Variants in SORBS2 observed in about 807,000 individuals in gnomAD.
SORBS2 encodes the protein sorbin and SH3 domain-containing protein 2.
In SORBS2, 46 loss-of-function variants were observed where a neutral mutation model predicts 97.7. The observed-to-expected ratio is 0.47, with a 90% CI of 0.37 to 0.60. SORBS2 has a LOEUF of 0.60. Among genes scored for constraint, SORBS2 ranks in the 20% least tolerant of loss-of-function variants. The pLI is 0.00. For synonymous variants in SORBS2, 476 were observed against 473.4 expected, an observed-to-expected ratio of 1.01 and a Z score of -0.07; for missense variants, 1,316 against 1,282.3, an observed-to-expected ratio of 1.03 and a Z score of -0.40.
At chr4:185,624,234 A>T (rs1218339944) in exon 7 of SORBS2, 1 of 1,614,148 alleles carries the variant, frequency 6.2e-7, no homozygotes, top group South Asian at 1.1e-5. Context: ...GGGTCCGGGA[A>T]GCTATCGCAG....
chr4:185,847,647 G>A (rs1210613293), intron 1 of SORBS2, among the ~76,000 whole-genome samples: 2 of 152,144 alleles, frequency 1.3e-5, no homozygotes, highest in East Asian at 3.9e-4. Context: ...CAGAGCTGCT[G>A]TAGACGGCAG....
At chr4:185,802,085 C>T (rs1189817012) in intron 1 of SORBS2, among the ~76,000 whole-genome samples, 3 of 152,348 alleles carry the variant, frequency 2.0e-5, no homozygotes, top group East Asian at 3.9e-4. Flanking sequence ...TTTCCCGATC[C>T]TCTAACAAAC....
intron 2 of SORBS2, among the ~76,000 whole-genome samples, chr4:185,718,027 T>C (rs2098480452): frequency 6.6e-6 from 1 of 152,166 alleles, no homozygotes; most frequent in Non-Finnish European, 1.5e-5. Flanking sequence ...GGTCAGGAGT[T>C]CCAGAACAGC....
intron 1 of SORBS2, among the ~76,000 whole-genome samples, chr4:185,843,096 A>G (rs570072850): frequency 6.6e-6 from 1 of 152,234 alleles, no homozygotes; most frequent in South Asian, 2.1e-4. Context: ...TAACACAGGG[A>G]GTGTGGGTAG....
In SORBS2 at chr4:185,934,940, G is replaced by A. The variant is rs534324674; in HGVS notation, c.-338+21256C>T. 9.9e-5 allele frequency among the ~76,000 whole-genome samples: 15 copies of A among 152,142 alleles called. No individual in the cohort carries two copies. The South Asian group carries it at 1.5e-3, about 15-fold the overall frequency. The stretch of plus-strand genomic sequence containing the variant: ...AGAAGATGCTTGATCATGGCTCTTC[G>A]GGATAGTTTGTTACTGAGTCAGGTC... On this transcript the variant is annotated intron_variant, in intron 1 of 20. Coordinates refer to the SORBS2 transcript ENST00000284776.
At chr4:185,863,554 A>C (rs1431876163) in intron 1 of SORBS2, among the ~76,000 whole-genome samples, 1 of 152,230 alleles carries the variant, frequency 6.6e-6, no homozygotes, top group Non-Finnish European at 1.5e-5. Context: ...GTGCTATTGC[A>C]TAGGATTATT....
chr4:185,810,169 T>C (rs1481343983), intron 1 of SORBS2, among the ~76,000 whole-genome samples: 4 of 152,276 alleles, frequency 2.6e-5, no homozygotes, highest in African/African-American at 4.8e-5. Context: ...CGTACACTTA[T>C]CACCAAACGT....
At chr4:185,861,010 T>A (rs1335424727) in intron 1 of SORBS2, among the ~76,000 whole-genome samples, 2 of 152,222 alleles carry the variant, frequency 1.3e-5, no homozygotes, top group Non-Finnish European at 2.9e-5. Context: ...ACTTTCCCCA[T>A]GAGACAGCTT....
intron 1 of SORBS2, among the ~76,000 whole-genome samples, chr4:185,864,323 G>T (rs542287636): frequency 2.5e-4 from 38 of 152,270 alleles, no homozygotes; most frequent in African/African-American, 8.9e-4. Context: ...GAGATTAAAA[G>T]CCCTGAAAAG....
rs571253340 is a variant in SORBS2 at position 185,687,963 on chromosome 4, A to T, written c.-197-9141T>A. Among the ~76,000 whole-genome samples, 17 of 152,284 alleles carry T rather than the reference A, an allele frequency of 1.1e-4. No individual in the cohort carries two copies. The South Asian group carries it at 3.5e-3, about 32-fold the overall frequency. The stretch of plus-strand genomic sequence containing the variant: ...CTGGTCTTGCCTTTTGTCCTCATTA[A>T]TGACCTGCAGCCTTGCTAGGCTACT... On this transcript the variant is annotated intron_variant, in intron 2 of 20. Transcript: ENST00000284776.
intron 4 of SORBS2, 100 bp from the exon 14 acceptor site, chr4:185,639,135 G>C: frequency 9.0e-7 from 1 of 1,106,726 alleles, no homozygotes; most frequent in East Asian, 3.1e-5. Flanking sequence ...GTTAGGCCGG[G>C]AGGGGAGAGG....
intron 12 of SORBS2, among the ~76,000 whole-genome samples, chr4:185,597,354 C>T (rs570129134): frequency 1.3e-5 from 2 of 152,058 alleles, no homozygotes; most frequent in South Asian, 2.1e-4. Flanking sequence ...TAAAGGTGTC[C>T]GTCATCAGTT....
chr4:185,800,963 A>G (rs1382006992), intron 1 of SORBS2, among the ~76,000 whole-genome samples: 1 of 152,100 alleles, frequency 6.6e-6, no homozygotes, highest in Non-Finnish European at 1.5e-5. Context: ...GGTTTTATTC[A>G]CTACAGTCAC....
intron 13 of SORBS2, among the ~76,000 whole-genome samples, chr4:185,590,184 T>C (rs1561263631): frequency 6.6e-6 from 1 of 152,240 alleles, no homozygotes; most frequent in Non-Finnish European, 1.5e-5. Flanking sequence ...ATTTGTATTA[T>C]TTAACTGTTT....
intron 1 of SORBS2, among the ~76,000 whole-genome samples, chr4:185,836,782 T>C (rs2099208345): frequency 6.6e-6 from 1 of 152,222 alleles, no homozygotes; most frequent in African/African-American, 2.4e-5. Context: ...AGAAAAATGT[T>C]CTTTTGAATT....
At chr4:185,913,652 T>C (rs1425064492) in intron 1 of SORBS2, among the ~76,000 whole-genome samples, 2 of 152,174 alleles carry the variant, frequency 1.3e-5, no homozygotes, top group Non-Finnish European at 2.9e-5. Context: ...TTGGTTATTG[T>C]TAGCAAGACA....
rs775056618 is a variant in SORBS2 at position 185,623,914 on chromosome 4, C to T, written c.1215G>A (p.Val405=). Residue 405 remains valine, a synonymous_variant, in exon 7 of 15, where the codon GTG becomes GTA. Coordinates refer to ENST00000418609, the Ensembl canonical transcript of SORBS2. This position sits in a 1 kb window ranked among gnomAD's most constrained non-coding sequence, Gnocchi z 6.4. Reference sequence around the variant, plus strand: ...TGCGTGTGGGCACCATGTCCCGGGGCACCTCCTCCGTGGAGCACTGGCTCC... The same window carrying T: ...TGCGTGTGGGCACCATGTCCCGGGGTACCTCCTCCGTGGAGCACTGGCTCC... 4 of 1,614,198 alleles carry T rather than the reference C, an allele frequency of 2.5e-6. No homozygotes were observed. In the Admixed American group the frequency reaches 5.0e-5, roughly 20 times the overall value.
intron 2 of SORBS2, among the ~76,000 whole-genome samples, chr4:185,723,738 A>G (rs1355212678): frequency 1.3e-5 from 2 of 152,162 alleles, no homozygotes; most frequent in Non-Finnish European, 2.9e-5. Flanking sequence ...TAGTTCCACT[A>G]TCTCTGTGGA....
chr4:185,643,168 T>C (rs1028878565), intron 4 of SORBS2, among the ~76,000 whole-genome samples: 1 of 152,178 alleles, frequency 6.6e-6, no homozygotes, highest in Non-Finnish European at 1.5e-5. Context: ...TCCAACCTAA[T>C]GCAGAGGAGT....
Sources: allele counts gnomAD v4.1 joint callset (sites outside exome capture counted in the v4.1 genomes callset), GRCh38; gene constraint gnomAD v4.1.1; non-coding constraint Gnocchi (gnomAD v3.1); transcripts MANE v1.5; gene names NCBI Gene and HGNC (gene_info 2026-07-23, HGNC 2026-07-21).